ASB18: variants seen among roughly 807,000 people sequenced by gnomAD.
ASB18 encodes the protein ankyrin repeat and SOCS box protein 18.
Under a neutral mutation model 33.4 loss-of-function variants are expected in ASB18, and 33 were observed. The ratio of observed to expected loss-of-function variants is 0.99; its 90% CI spans 0.75 to 1.32. The LOEUF (loss-of-function observed/expected upper bound fraction) is 1.32. Among genes scored for constraint, ASB18 ranks in the 40% most tolerant of loss-of-function variants. The probability of loss-of-function intolerance (pLI) is 0.00; values close to 1 mark genes in which losing one functional copy is unlikely to be tolerated. For synonymous variants in ASB18, 295 were observed against 307.6 expected (o/e 0.96, Z 0.43); for missense variants, 694 against 655.5 (o/e 1.06, Z -0.64).
rs1012677113 is a variant in ASB18, at chr2:236,195,109, C to A, written c.1216-52G>T. Reference sequence around the variant, plus strand: ...AATCTGGGCACGTGGAACCAACATACGTTTTCTTCTTAGCCAGACCACTGA... The same window carrying A: ...AATCTGGGCACGTGGAACCAACATAAGTTTTCTTCTTAGCCAGACCACTGA... On this transcript the variant is annotated intron_variant, in intron 5 of 5. Transcript: ENST00000409749. The surrounding 1 kb of genome is among the most constrained non-coding windows in gnomAD (Gnocchi z 5.5). 3.3e-6 allele frequency: 5 copies of A among 1,531,578 alleles called. No individual in the cohort carries two copies. Among genetic ancestry groups the A allele is most frequent in the African/African-American group, 1.4e-5 (1 of 73,132 alleles). The allele number at this position is 1,531,578 out of a possible 1,614,324, so 94.9% of individuals were successfully genotyped here.
rs1345977509 is a variant in ASB18 at position 236,211,871 on chromosome 2, G to A, written c.1101+2491C>T. ...ACCATCCTCTCCTGGCCAGGTGTAG[G>A]GGTACCCACTGGAGGTGTGGGGGAA... On this transcript the variant is annotated intron_variant, in intron 4 of 5. Transcript: ENST00000409749. This position sits in a 1 kb window ranked among gnomAD's most constrained non-coding sequence, Gnocchi z 5.0. 6.6e-6 allele frequency among the ~76,000 whole-genome samples: 1 copy of A among 152,068 alleles called. No individual in the cohort carries two copies. The highest frequency in any genetic ancestry group is 1.5e-5 in the Non-Finnish European group (1 of 68,012).
chr2:236,257,748 G>A lies in ASB18; in HGVS notation c.205+6393C>T, dbSNP rs752484200. ...TTGACCAGCAAGTGAACACAGGTGA[G>A]CAGCAGTGTTCCGGTCTGTAGAACG... On this transcript the variant is annotated intron_variant, in intron 1 of 5. Coordinates refer to ENST00000409749, the MANE Select transcript of ASB18 (RefSeq NM_212556.4). The surrounding 1 kb of genome is among the most constrained non-coding windows in gnomAD (Gnocchi z 5.5). 3.3e-5 allele frequency among the ~76,000 whole-genome samples: 5 copies of A among 152,190 alleles called. No individual in the cohort carries two copies. Among genetic ancestry groups the A allele is most frequent in the Admixed American group, 6.5e-5 (1 of 15,286 alleles).
In ASB18 at chr2:236,263,779, G is replaced by A. The variant is rs1454886183; in HGVS notation, c.205+362C>T. 6.6e-6 allele frequency among the ~76,000 whole-genome samples: 1 copy of A among 152,158 alleles called. No homozygotes were observed. The highest frequency in any genetic ancestry group is 1.5e-5 in the Non-Finnish European group (1 of 68,034). ...AAGACTATGTAGCAACATGGAAAATGCTTTAGATTTAGATTTTGTAGATCT... is the reference window on the plus strand; with the variant it reads ...AAGACTATGTAGCAACATGGAAAATACTTTAGATTTAGATTTTGTAGATCT... On this transcript the variant is annotated intron_variant, in intron 1 of 5. Transcript: ENST00000409749. This position sits in a 1 kb window ranked among gnomAD's most constrained non-coding sequence, Gnocchi z 4.0.
rs1271045671 is a variant in ASB18, at chr2:236,245,172, C to T, written c.206-3770G>A. ...ATTTTTTACCATGTTTATCTGACCT[C>T]TGGGCAAAGGCTCAGCTCTGGGGCT... On this transcript the variant is annotated intron_variant, in intron 1 of 5. Transcript: ENST00000409749. The surrounding 1 kb of genome is among the most constrained non-coding windows in gnomAD (Gnocchi z 4.7). Among the ~76,000 whole-genome samples the T allele has an allele frequency of 6.6e-6, 1 of 152,206 alleles. No individual in the cohort carries two copies. Among genetic ancestry groups the T allele is most frequent in the Non-Finnish European group, 1.5e-5 (1 of 68,044 alleles).
Position 236,214,438 on chromosome 2 carries a change from T to C in ASB18, c.1025A>G (p.Gln342Arg). The C allele has an allele frequency of 6.5e-7, 1 of 1,549,508 alleles. No homozygotes were observed. The highest frequency in any genetic ancestry group is 8.7e-7 in the Non-Finnish European group (1 of 1,154,824). Reference sequence around the variant, plus strand: ...CTGCACCGTGCGCTGCGGTGAGGCCTGGAGAGCGCAGGATGCGGTCTGGAG... The same window carrying C: ...CTGCACCGTGCGCTGCGGTGAGGCCCGGAGAGCGCAGGATGCGGTCTGGAG... Reference protein sequence around the residue: ...RVLQTASCALQASPQRTVQAL... With the variant: ...RVLQTASCALRASPQRTVQAL... The change falls in exon 4 of 6, where the codon CAG becomes CGG. Residue 342 changes from glutamine to arginine, a missense_variant. By Grantham distance (43) the Gln-to-Arg change is conservative. Coordinates refer to ENST00000409749, the MANE Select transcript of ASB18 (RefSeq NM_212556.4). This position sits in a 1 kb window ranked among gnomAD's most constrained non-coding sequence, Gnocchi z 6.5.
At chr2:236,224,761 T>C (rs778994793) in intron 3 of ASB18, among the ~76,000 whole-genome samples, 3 of 152,178 alleles carry the variant, frequency 2.0e-5, no homozygotes, top group Non-Finnish European at 2.9e-5. Context: ...TTGCACATGC[T>C]CAGGAATGTG....
chr2:236,256,488 T>G lies in ASB18; in HGVS notation c.205+7653A>C, dbSNP rs372290325. Among the ~76,000 whole-genome samples the G allele has an allele frequency of 5.3e-5, 8 of 152,298 alleles. No homozygotes were observed. The highest frequency in any genetic ancestry group is 6.8e-3 in the Middle Eastern group (2 of 294). On this transcript the variant is annotated intron_variant, in intron 1 of 5. Coordinates refer to ENST00000409749, the MANE Select transcript of ASB18 (RefSeq NM_212556.4). The surrounding 1 kb of genome is among the most constrained non-coding windows in gnomAD (Gnocchi z 4.7). ...AGAGAGCATGCCTGCCATTTCCAAT[T>G]AGTTCCTTCGGAATGTTTACTTCTC...
rs2060548669 is a variant in ASB18 at position 236,228,106 on chromosome 2, G to A, written c.596+9583C>T. On this transcript the variant is annotated intron_variant, in intron 3 of 5. Transcript: ENST00000409749. This position sits in a 1 kb window ranked among gnomAD's most constrained non-coding sequence, Gnocchi z 5.1. ...CATCCCAGCAAATCATCTATCAGAT[G>A]AGTCAAGAACAAAAATTGGAAGTGA... Among the ~76,000 whole-genome samples, 2 of 152,168 alleles carry A rather than the reference G, an allele frequency of 1.3e-5. No individual in the cohort carries two copies. Among genetic ancestry groups the A allele is most frequent in the African/African-American group, 2.4e-5 (1 of 41,446 alleles).
chr2:236,211,518 T>A lies in ASB18; in HGVS notation c.1101+2844A>T, dbSNP rs2060458498. Reference sequence around the variant, plus strand: ...CCTCGGTAATTCTGCGCTCCATGGGTGTCTCTTTACATCTATTCACAGTAC... The same window carrying A: ...CCTCGGTAATTCTGCGCTCCATGGGAGTCTCTTTACATCTATTCACAGTAC... On this transcript the variant is annotated intron_variant, in intron 4 of 5. Coordinates refer to ENST00000409749, the MANE Select transcript of ASB18 (RefSeq NM_212556.4). The surrounding 1 kb of genome is among the most constrained non-coding windows in gnomAD (Gnocchi z 5.0). 6.6e-6 allele frequency among the ~76,000 whole-genome samples: 1 copy of A among 152,214 alleles called. No individual in the cohort carries two copies. Among genetic ancestry groups the A allele is most frequent in the Non-Finnish European group, 1.5e-5 (1 of 68,032 alleles).
Position 236,253,434 on chromosome 2 carries a change from G to C in ASB18, c.205+10707C>G, listed in dbSNP as rs1006370426. Among the ~76,000 whole-genome samples, 4 of 152,166 alleles carry C rather than the reference G, an allele frequency of 2.6e-5. No homozygotes were observed. In the South Asian group the frequency reaches 8.3e-4, roughly 32 times the overall value. On this transcript the variant is annotated intron_variant, in intron 1 of 5. Coordinates refer to ENST00000409749, the MANE Select transcript of ASB18 (RefSeq NM_212556.4). This position sits in a 1 kb window ranked among gnomAD's most constrained non-coding sequence, Gnocchi z 5.4. ...ACTCTGTTGCCTAGGCTAGAGTACA[G>C]TGGCACAGTCATAGCTCACTGTAAC... is the stretch of plus-strand genomic sequence containing the variant.
Position 236,214,817 on chromosome 2 carries a change from C to T in ASB18, c.646G>A (p.Gly216Ser), listed in dbSNP as rs570889823. ...TGCAGCGGCGTGTCCCGGCCCGTGC[C>T]GCCCACGCGCTGCACCGAGGCCCCG... The part of the protein sequence containing the change: ...EHGASVQRVG[G>S]TGRDTPLHVA... Residue 216 changes from glycine (G) to serine (S), a missense_variant, in exon 4 of 6, where the codon GGC (glycine) becomes AGC (serine). Coordinates refer to ENST00000409749, the MANE Select transcript of ASB18 (RefSeq NM_212556.4). The surrounding 1 kb of genome is among the most constrained non-coding windows in gnomAD (Gnocchi z 6.5). 416 of 1,213,078 alleles carry T rather than the reference C, an allele frequency of 3.4e-4. No homozygotes were observed. Among genetic ancestry groups the T allele is most frequent in the Non-Finnish European group, 4.2e-4 (406 of 975,506 alleles). 75.1% of individuals were successfully genotyped at this position (1,213,078 alleles called of 1,614,324 possible).
rs1328838698 is a variant in ASB18, at chr2:236,263,275, G to T, written c.205+866C>A. Among the ~76,000 whole-genome samples the T allele has an allele frequency of 3.3e-5, 5 of 152,224 alleles. No homozygotes were observed. The highest frequency in any genetic ancestry group is 1.2e-4 in the African/African-American group (5 of 41,458). ...TAAAAATGATTCCAAGAGATGGAGAGTTCCTGCCCAAGACCCAAATAGACA... is the reference window on the plus strand; with the variant it reads ...TAAAAATGATTCCAAGAGATGGAGATTTCCTGCCCAAGACCCAAATAGACA... On this transcript the variant is annotated intron_variant, in intron 1 of 5. Coordinates refer to ENST00000409749, the MANE Select transcript of ASB18 (RefSeq NM_212556.4). This position sits in a 1 kb window ranked among gnomAD's most constrained non-coding sequence, Gnocchi z 4.0.
Position 236,262,084 on chromosome 2 carries a change from T to A in ASB18, c.205+2057A>T, listed in dbSNP as rs995446151. Reference sequence around the variant, plus strand: ...AACTGTGGAAGGAATGTAACTTTCTTATAACAATTTTCATAGTTTCAAGTG... The same window carrying A: ...AACTGTGGAAGGAATGTAACTTTCTAATAACAATTTTCATAGTTTCAAGTG... On this transcript the variant is annotated intron_variant, in intron 1 of 5. Transcript: ENST00000409749. This position sits in a 1 kb window ranked among gnomAD's most constrained non-coding sequence, Gnocchi z 5.2. 2.6e-5 allele frequency among the ~76,000 whole-genome samples: 4 copies of A among 152,248 alleles called. No homozygotes were observed. Among genetic ancestry groups the A allele is most frequent in the Non-Finnish European group, 4.4e-5 (3 of 68,050 alleles).
At chr2:236,230,363 A>G (rs1293982368) in intron 3 of ASB18, among the ~76,000 whole-genome samples, 1 of 149,920 alleles carries the variant, frequency 6.7e-6, no homozygotes, top group Admixed American at 6.8e-5. Flanking sequence ...TAAAGAAAGC[A>G]CTTCAAGCAG....
In ASB18 at chr2:236,260,508, C is replaced by T. The variant is rs1260820305; in HGVS notation, c.205+3633G>A. On this transcript the variant is annotated intron_variant, in intron 1 of 5. Coordinates refer to ENST00000409749, the MANE Select transcript of ASB18 (RefSeq NM_212556.4). The surrounding 1 kb of genome is among the most constrained non-coding windows in gnomAD (Gnocchi z 5.1). ...TTAGAATCCAAACAGCTCTTTCTCCCATCAAGGATGGTCCCCCCAAACTCG... is the reference window on the plus strand; with the variant it reads ...TTAGAATCCAAACAGCTCTTTCTCCTATCAAGGATGGTCCCCCCAAACTCG... Among the ~76,000 whole-genome samples the T allele has an allele frequency of 6.6e-6, 1 of 152,222 alleles. No homozygotes were observed. The highest frequency in any genetic ancestry group is 2.4e-5 in the African/African-American group (1 of 41,456).
rs1488241427 is a variant in ASB18, at chr2:236,264,204, C to G, written c.142G>C (p.Glu48Gln). Residue 48 changes from glutamate to glutamine, a missense_variant, in exon 1 of 6, where the codon GAA becomes CAA. Physicochemically the swap from Glu to Gln is conservative, Grantham distance 29. Transcript: ENST00000409749. This position sits in a 1 kb window ranked among gnomAD's most constrained non-coding sequence, Gnocchi z 5.1. Reference sequence around the variant, plus strand: ...TTCATCCAGTCGTCATTGGCCAGTTCTATCACAGCGTCCACAGGCGTGATT... The same window carrying G: ...TTCATCCAGTCGTCATTGGCCAGTTGTATCACAGCGTCCACAGGCGTGATT... ...TEITPVDAVI[E>Q]LANDDWMKDP... 1 of 1,613,992 alleles carries G rather than the reference C, an allele frequency of 6.2e-7. No homozygotes were observed.
At position 236,216,942 on chromosome 2, in the gene ASB18, C is replaced by T. The variant is rs929951002; in HGVS notation, c.597-2076G>A. 6.6e-6 allele frequency among the ~76,000 whole-genome samples: 1 copy of T among 152,120 alleles called. No homozygotes were observed. The highest frequency in any genetic ancestry group is 1.5e-5 in the Non-Finnish European group (1 of 68,028). ...AGCACACTCTGCCGTGCCATGCCCC[C>T]ATGCCCTCTGCTTGCTCCTTCCAGG... is the stretch of plus-strand genomic sequence containing the variant. On this transcript the variant is annotated intron_variant, in intron 3 of 5. Transcript: ENST00000409749. The surrounding 1 kb of genome is among the most constrained non-coding windows in gnomAD (Gnocchi z 6.1).
intron 3 of ASB18, among the ~76,000 whole-genome samples, chr2:236,218,378 G>A (rs947722025): frequency 3.9e-5 from 6 of 152,194 alleles, no homozygotes; most frequent in South Asian, 4.1e-4. Flanking sequence ...AAAAATGAAG[G>A]TGTGAGAGCC....
rs1389247803 is a variant in ASB18 at position 236,237,496 on chromosome 2, A to G, written c.596+193T>C. 2.7e-5 allele frequency among the ~76,000 whole-genome samples: 4 copies of G among 146,918 alleles called. No individual in the cohort carries two copies. The highest frequency in any genetic ancestry group is 2.7e-4 in the Admixed American group (4 of 14,868). On this transcript the variant is annotated intron_variant, in intron 3 of 5. Coordinates refer to ENST00000409749, the MANE Select transcript of ASB18 (RefSeq NM_212556.4). This position sits in a 1 kb window ranked among gnomAD's most constrained non-coding sequence, Gnocchi z 6.2. Reference sequence around the variant, plus strand: ...TCAGGGATCTTGGATCTGGGTCCCGAGGCAGGGGCCGGGGTAGGGACGGGG... The same window carrying G: ...TCAGGGATCTTGGATCTGGGTCCCGGGGCAGGGGCCGGGGTAGGGACGGGG...
Sources: gnomAD v4.1 joint callset for allele counts (sites outside exome capture counted in the v4.1 genomes callset) on GRCh38, gnomAD v4.1.1 for gene constraint, Gnocchi (gnomAD v3.1) non-coding constraint, MANE v1.5 for transcripts, NCBI Gene and HGNC (gene_info 2026-07-23, HGNC 2026-07-21) for gene names.